CHRM3: variants seen among roughly 807,000 people sequenced by gnomAD.
CHRM3 encodes cholinergic receptor muscarinic 3, also known as muscarinic acetylcholine receptor M3.
Under a neutral mutation model 41.8 loss-of-function variants are expected in CHRM3, and 11 were observed. That is an observed-to-expected ratio of 0.26 (90% CI 0.17 to 0.44). The LOEUF (loss-of-function observed/expected upper bound fraction) is 0.44. Ranked by LOEUF, CHRM3 falls within the 20% of genes least tolerant of loss-of-function variation. CHRM3 has a pLI of 1.00. For missense variants in CHRM3, 571 were observed against 745.4 expected (o/e 0.77, Z 2.72); for synonymous variants, 297 against 301.4 (o/e 0.99, Z 0.15).
At chr1:239,401,740 T>C (rs558060134) in intron 1 of CHRM3, among the ~76,000 whole-genome samples, 2 of 152,082 alleles carry the variant, frequency 1.3e-5, no homozygotes, top group Non-Finnish European at 2.9e-5. Flanking sequence ...CGATCCACCC[T>C]CCTTGGCCTC....
intron 1 of CHRM3, among the ~76,000 whole-genome samples, chr1:239,408,536 A>AG (rs1375294910): frequency 3.4e-5 from 5 of 148,284 alleles, no homozygotes. Context: ...AAAAAAAAAA[A>AG]AAAAAAAACT....
At chr1:239,796,725 A>T (rs1669806522) in intron 5 of CHRM3, among the ~76,000 whole-genome samples, 1 of 152,150 alleles carries the variant, frequency 6.6e-6, no homozygotes. Context: ...TTTAGGGGGT[A>T]CAAGTGCATT....
chr1:239,716,587 A>C (rs959752650), intron 5 of CHRM3, among the ~76,000 whole-genome samples: 1 of 152,122 alleles, frequency 6.6e-6, no homozygotes, highest in Non-Finnish European at 1.5e-5. Context: ...GTTTACAGCT[A>C]AACAGTGTGA....
intron 1 of CHRM3, among the ~76,000 whole-genome samples, chr1:239,400,393 T>C (rs918042450): frequency 2.0e-5 from 3 of 152,214 alleles, no homozygotes; most frequent in South Asian, 2.1e-4. Context: ...TTTTCTCCCA[T>C]AGTTTAGGTC....
In CHRM3 at chr1:239,909,652, A is replaced by G. The variant is rs1680247223; in HGVS notation, c.*428A>G. The G allele has an allele frequency of 5.8e-6, 1 of 172,880 alleles. No individual in the cohort carries two copies. The highest frequency in any genetic ancestry group is 1.9e-4 in the East Asian group (1 of 5,300). The allele number at this position is 172,880 out of a possible 1,614,324, so 10.7% of individuals were successfully genotyped here. On this transcript the variant is annotated 3_prime_UTR_variant, in exon 7 of 7. Transcript: ENST00000676153. ...TGGGAATCCAGACCCCAAGTGGAAC[A>G]CTGCAGGCTTACGAATCTGTGGTTC...
chr1:239,824,551 A>G (rs751291060), intron 5 of CHRM3, among the ~76,000 whole-genome samples: 27 of 152,220 alleles, frequency 1.8e-4, no homozygotes, highest in Non-Finnish European at 1.5e-5. Context: ...GTAAGGGGGA[A>G]AAGCAGTCTA....
chr1:239,760,181 C>T (rs993389501), intron 5 of CHRM3, among the ~76,000 whole-genome samples: 11 of 151,952 alleles, frequency 7.2e-5, no homozygotes, highest in Admixed American at 3.3e-4. Flanking sequence ...CACCTCGGCC[C>T]CCCAAAGTGC....
intron 2 of CHRM3, among the ~76,000 whole-genome samples, chr1:239,526,535 G>A (rs1007314143): frequency 6.6e-6 from 1 of 152,090 alleles, no homozygotes; most frequent in African/African-American, 2.4e-5. Context: ...CCCTGTGTGG[G>A]TTTGTCTTCC....
At position 239,406,674 on chromosome 1, in the gene CHRM3, C is replaced by A. The variant is rs551559314; in HGVS notation, c.-521+19447C>A. Among the ~76,000 whole-genome samples, 6 of 152,310 alleles carry A rather than the reference C, an allele frequency of 3.9e-5. No individual in the cohort carries two copies. In the East Asian group the frequency reaches 1.2e-3, roughly 29 times the overall value. ...ATATTGTATGTTTTCCAAGTCCAAA[C>A]CAGACTAAGCTATAAAGAAGTAATG... On this transcript the variant is annotated intron_variant, in intron 1 of 6. Transcript: ENST00000676153.
intron 1 of CHRM3, among the ~76,000 whole-genome samples, chr1:239,458,625 A>C (rs1665133938): frequency 6.6e-6 from 1 of 152,234 alleles, no homozygotes; most frequent in Non-Finnish European, 1.5e-5. Flanking sequence ...AAATTCCATA[A>C]GGTATCATCA....
In CHRM3 at chr1:239,621,905, A is replaced by T. The variant is rs182808736; in HGVS notation, c.-312-10319A>T. ...AAGAAGATGCCATCTAGGACTTTCA[A>T]AGCTAGAGAGAAGTCAAGGCCTGGC... On this transcript the variant is annotated intron_variant, in intron 3 of 6. Transcript: ENST00000676153. Among the ~76,000 whole-genome samples, 767 of 152,204 alleles carry T rather than the reference A, an allele frequency of 5.0e-3. 10 individuals carry two copies. Among genetic ancestry groups the T allele is most frequent in the African/African-American group, 0.018 (748 of 41,538 alleles).
chr1:239,632,775 A>G (rs561893207), intron 4 of CHRM3, among the ~76,000 whole-genome samples: 2 of 152,288 alleles, frequency 1.3e-5, no homozygotes, highest in South Asian at 4.1e-4. Flanking sequence ...TGTTTTATCT[A>G]TCCAGCAAAC....
At chr1:239,778,738 G>A (rs1668292906) in intron 5 of CHRM3, among the ~76,000 whole-genome samples, 1 of 152,138 alleles carries the variant, frequency 6.6e-6, no homozygotes, top group African/African-American at 2.4e-5. Flanking sequence ...ATTTGATTCA[G>A]AAATGACTTG....
chr1:239,501,520 G>A (rs1416396416), intron 2 of CHRM3, among the ~76,000 whole-genome samples: 1 of 152,154 alleles, frequency 6.6e-6, no homozygotes, highest in Non-Finnish European at 1.5e-5. Flanking sequence ...GCTTCTGAAT[G>A]AGCATTGGGT....
At chr1:239,700,554 C>G (rs529670089) in intron 5 of CHRM3, among the ~76,000 whole-genome samples, 2 of 152,240 alleles carry the variant, frequency 1.3e-5, no homozygotes, top group South Asian at 4.1e-4. Context: ...AAAGCGCTAT[C>G]AAACAAGCCT....
intron 3 of CHRM3, among the ~76,000 whole-genome samples, chr1:239,574,819 C>T (rs190272346): frequency 9.9e-5 from 15 of 152,036 alleles, no homozygotes; most frequent in African/African-American, 3.1e-4. Flanking sequence ...TCCTCCTCTT[C>T]CTCCTCCTCT....
intron 5 of CHRM3, among the ~76,000 whole-genome samples, chr1:239,738,515 A>G (rs1193597338): frequency 6.6e-6 from 1 of 152,174 alleles, no homozygotes; most frequent in Non-Finnish European, 1.5e-5. Context: ...GGGAGAATAG[A>G]ACACATTAAT....
Position 239,910,023 on chromosome 1 carries a change from GT to G in CHRM3, c.*803del, listed in dbSNP as rs1680271194. The G allele has an allele frequency of 1.2e-5, 2 of 167,020 alleles. No homozygotes were observed. Among genetic ancestry groups the G allele is most frequent in the African/African-American group, 4.8e-5 (2 of 41,422 alleles). The allele number at this position is 167,020 out of a possible 1,614,324, so 10.3% of individuals were successfully genotyped here. On this transcript the variant is annotated 3_prime_UTR_variant, in exon 7 of 7. Transcript: ENST00000676153. Reference sequence around the variant, plus strand: ...GTGTAATGTTTTTGAAACCAGGGCTGTTTTCCACAGAGAGCAGCCAGGCCTT... The same window carrying G: ...GTGTAATGTTTTTGAAACCAGGGCTGTTTCCACAGAGAGCAGCCAGGCCTT...
chr1:239,466,142 C>T (rs560466288), intron 1 of CHRM3, among the ~76,000 whole-genome samples: 136 of 151,966 alleles, frequency 8.9e-4, no homozygotes, highest in Non-Finnish European at 1.6e-3. Flanking sequence ...TACAGGCGCC[C>T]GCCACCACGC....
Sources: allele counts gnomAD v4.1 joint callset (sites outside exome capture counted in the v4.1 genomes callset), GRCh38; gene constraint gnomAD v4.1.1; transcripts MANE v1.5; gene names NCBI Gene and HGNC (gene_info 2026-07-23, HGNC 2026-07-21).